The following PSG2 variants were observed in gnomAD, a reference collection of about 807,000 sequenced individuals.
PSG2 encodes pregnancy specific beta-1-glycoprotein 2, also known as pregnancy-specific beta-1-glycoprotein 2.
A neutral mutation model predicts 36.2 loss-of-function variants in PSG2; 49 were observed. That is an observed-to-expected ratio of 1.35 (90% CI 1.08 to 1.72). PSG2 has a LOEUF of 1.72. Ranked by LOEUF, PSG2 falls within the 40% of genes most tolerant of loss-of-function variation. PSG2 has a pLI of 0.00. For missense variants in PSG2, 605 were observed against 407.2 expected, an observed-to-expected ratio of 1.49 and a Z score of -4.18; for synonymous variants, 261 against 155.6, an observed-to-expected ratio of 1.68 and a Z score of -5.04.
chr19:43,066,306 G>A (rs1298508865), intron 5 of PSG2, among the ~76,000 whole-genome samples: 1 of 151,696 alleles, frequency 6.6e-6, no homozygotes, highest in Non-Finnish European at 1.5e-5. Context: ...AATGAGCAGA[G>A]GCTGGAGATA....
At chr19:43,069,305 C>G (rs114087822) in intron 4 of PSG2, among the ~76,000 whole-genome samples, 1,982 of 151,616 alleles carry the variant, frequency 0.013, 104 homozygotes, top group African/African-American at 0.044. Flanking sequence ...GCTGCGGATT[C>G]AATACAATTC....
At position 43,082,580 on chromosome 19, in the gene PSG2, G is replaced by T; in HGVS notation, c.-11C>A. 2 of 1,611,294 alleles carry T rather than the reference G, an allele frequency of 1.2e-6. No individual in the cohort carries two copies. Among genetic ancestry groups the T allele is most frequent in the Non-Finnish European group, 1.7e-6 (2 of 1,178,544 alleles). Reference sequence around the variant, plus strand: ...TGAGAGGGGCCCCATGGTCTCTGCTGCCTGTGTGTTCTCCTCTGTGGAGAT... The same window carrying T: ...TGAGAGGGGCCCCATGGTCTCTGCTTCCTGTGTGTTCTCCTCTGTGGAGAT... On this transcript the variant is annotated 5_prime_UTR_variant, in exon 1 of 6. Transcript: ENST00000406487.
At position 43,075,747 on chromosome 19, in the gene PSG2, C is replaced by T. The variant is rs1967886791; in HGVS notation, c.431-115G>A. ...CTCAGCCCACCCAAGTCCTTAAAAG[C>T]CCATGGCAGGTGTGTGTGTTACAAG... is the stretch of plus-strand genomic sequence containing the variant. On this transcript the variant is annotated intron_variant, in intron 2 of 5. Transcript: ENST00000406487. 13 of 1,511,752 alleles carry T rather than the reference C, an allele frequency of 8.6e-6. 1 individual carries two copies. Among genetic ancestry groups the T allele is most frequent in the Non-Finnish European group, 1.1e-5 (12 of 1,128,720 alleles). The allele number at this position is 1,511,752 out of a possible 1,614,324, so 93.6% of individuals were successfully genotyped here. A position where few individuals can be genotyped will look rare whatever the true frequency, so the allele number is the denominator to read the frequency against.
intron 4 of PSG2, among the ~76,000 whole-genome samples, chr19:43,069,643 G>A (rs1967788942): frequency 6.6e-6 from 1 of 151,544 alleles, no homozygotes; most frequent in Admixed American, 6.6e-5. Flanking sequence ...TGGGAAAGCT[G>A]GATATTCAAG....
Position 43,082,498 on chromosome 19 carries a change from C to T in PSG2, c.64+8G>A. 2.5e-6 allele frequency: 4 copies of T among 1,611,152 alleles called. No individual in the cohort carries two copies. Among genetic ancestry groups the T allele is most frequent in the Non-Finnish European group, 3.4e-6 (4 of 1,178,480 alleles). ...CTCCTGTCCTCTCCCAGGAAGTTCT[C>T]TCCTCACCTGTGACCAGGAGCCCCT... On this transcript the variant is annotated splice_region_variant and intron_variant, in intron 1 of 5. Transcript: ENST00000406487.
chr19:43,066,208 G>T (rs1368383901), intron 5 of PSG2, among the ~76,000 whole-genome samples: 1 of 151,738 alleles, frequency 6.6e-6, no homozygotes, highest in Non-Finnish European at 1.5e-5. Flanking sequence ...TATGGGAATG[G>T]AGAGAATTAC....
chr19:43,067,794 C>T (rs1205869734), intron 4 of PSG2, among the ~76,000 whole-genome samples: 1 of 151,300 alleles, frequency 6.6e-6, no homozygotes, highest in Non-Finnish European at 1.5e-5. Flanking sequence ...ATGAAGAAAG[C>T]ACTGTCATTG....
chr19:43,076,555 G>T (rs1451465008), intron 2 of PSG2, among the ~76,000 whole-genome samples: 1 of 151,766 alleles, frequency 6.6e-6, no homozygotes, highest in Non-Finnish European at 1.5e-5. Context: ...AAGAAGTCTT[G>T]CAGATACTTT....
chr19:43,075,307 G>A (rs754557316), intron 3 of PSG2, 47 bp downstream of exon 3: 1 of 1,613,134 alleles, frequency 6.2e-7, no homozygotes, highest in African/African-American at 1.3e-5. Flanking sequence ...CTGGCCATGT[G>A]TATTTGGGAT....
intron 3 of PSG2, chr19:43,072,292 T>G (rs1967830563): frequency 2.5e-6 from 4 of 1,599,752 alleles, no homozygotes; most frequent in Non-Finnish European, 2.6e-6. Flanking sequence ...CTGAGAGGCC[T>G]GGCCCCTGGT....
At chr19:43,066,684 G>A (rs1823797148) in intron 4 of PSG2, 84 bp from the exon 5 acceptor site, 4 of 1,425,256 alleles carry the variant, frequency 2.8e-6, no homozygotes, top group African/African-American at 2.9e-5. Flanking sequence ...TGTAACATGA[G>A]GTACTCTATA....
chr19:43,075,376 G>C lies in PSG2; in HGVS notation c.687C>G (p.Asp229Glu), dbSNP rs757675528. 6 of 1,613,066 alleles carry C rather than the reference G, an allele frequency of 3.7e-6. No homozygotes were observed. The highest frequency in any genetic ancestry group is 5.1e-6 in the Non-Finnish European group (6 of 1,179,654). Reference sequence around the variant, plus strand: ...CACGGAGGAGATTCAGGGTGACTGGGTCACTGCGGCTGGCACTCCCTGAGT... The same window carrying C: ...CACGGAGGAGATTCAGGGTGACTGGCTCACTGCGGCTGGCACTCCCTGAGT... ...IRNSGSASRS[D>E]PVTLNLLHGP... The change falls in exon 3 of 6, where the codon GAC becomes GAG. Residue 229 changes from aspartate to glutamate, a missense_variant. Physicochemically the swap from Asp to Glu is conservative, Grantham distance 45 (BLOSUM62 2). Transcript: ENST00000406487.
At chr19:43,072,437 G>T (rs1311247626) in intron 3 of PSG2, 4 of 1,611,910 alleles carry the variant, frequency 2.5e-6, no homozygotes, top group Admixed American at 1.7e-5. Flanking sequence ...TTCATTTCTC[G>T]TGACACTGGG....
intron 2 of PSG2, 143 bp downstream of exon 2, chr19:43,080,738 G>A (rs1967959163): frequency 1.3e-6 from 2 of 1,520,002 alleles, no homozygotes; most frequent in African/African-American, 1.4e-5. Context: ...CTCTGTGTGT[G>A]TCCTGCACTA....
chr19:43,074,522 G>A (rs1967864144), intron 3 of PSG2, among the ~76,000 whole-genome samples: 1 of 151,622 alleles, frequency 6.6e-6, no homozygotes. Flanking sequence ...ATAGTCTAAA[G>A]AATGATCTAG....
chr19:43,069,889 A>G (rs1396218993), intron 4 of PSG2, among the ~76,000 whole-genome samples: 1 of 151,818 alleles, frequency 6.6e-6, no homozygotes, highest in African/African-American at 2.4e-5. Context: ...TTATCAAGAA[A>G]GTAAAAAGGC....
rs1219060624 is a variant in PSG2, at chr19:43,082,515, G to C, written c.55C>G (p.Leu19Val). The C allele has an allele frequency of 1.9e-5, 31 of 1,611,732 alleles. No homozygotes were observed. The highest frequency in any genetic ancestry group is 2.6e-5 in the Non-Finnish European group (31 of 1,178,980). The change falls in exon 1 of 6, where the codon CTG becomes GTG. Residue 19 changes from leucine to valine, a missense_variant. Leu to Val is a conservative substitution (Grantham distance 32, BLOSUM62 1). Coordinates refer to ENST00000406487, the MANE Select transcript of PSG2 (RefSeq NM_031246.4). ...GAAGTTCTCTCCTCACCTGTGACCA[G>C]GAGCCCCTTCCATTTGATGTGCTCT... ...CTEHIKWKGLLVTASLLNFWN... is the reference protein window; with the variant it reads ...CTEHIKWKGLVVTASLLNFWN...
intron 4 of PSG2, among the ~76,000 whole-genome samples, chr19:43,071,134 A>G (rs10424043): frequency 0.3 from 44,758 of 151,110 alleles, 8,708 homozygotes; most frequent in African/African-American, 0.53. Flanking sequence ...GAAATTCAGG[A>G]CAGTCCACAA....
Position 43,066,516 on chromosome 19 carries a change from C to A in PSG2, c.*40+1G>T. 2 of 1,547,124 alleles carry A rather than the reference C, an allele frequency of 1.3e-6. No homozygotes were observed. The highest frequency in any genetic ancestry group is 1.8e-6 in the Non-Finnish European group (2 of 1,120,314). ...CAGGATAAGAGAAAAGGCCATCATA[C>A]CTGCCAGTCTTCCTGAAATACAGAA... is the stretch of plus-strand genomic sequence containing the variant. On this transcript the variant is annotated splice_donor_variant, in intron 5 of 5. Transcript: ENST00000406487. LOFTEE classifies it low-confidence loss of function (3UTR_SPLICE).
Sources: allele counts gnomAD v4.1 joint callset (sites outside exome capture counted in the v4.1 genomes callset), GRCh38; gene constraint gnomAD v4.1.1; transcripts MANE v1.5; gene names NCBI Gene and HGNC (gene_info 2026-07-23, HGNC 2026-07-21).